ZNF438: variants seen among roughly 807,000 people sequenced by gnomAD.
ZNF438 encodes zinc finger protein 438.
ZNF438 carries 25 observed loss-of-function variants against 38.0 expected under a neutral mutation model. The ratio of observed to expected loss-of-function variants is 0.66; its 90% CI spans 0.48 to 0.92. The LOEUF (loss-of-function observed/expected upper bound fraction) is 0.92. ZNF438 is among the 40% of genes least tolerant of loss of function. The pLI, the probability that ZNF438 is intolerant of heterozygous loss-of-function variation, is 0.00. For synonymous variants in ZNF438, 372 were observed against 364.1 expected (o/e 1.02, Z -0.25); for missense variants, 1,007 against 999.6 (o/e 1.01, Z -0.10).
At chr10:30,958,161 TCAC>T (rs1374545231) in intron 1 of ZNF438, among the ~76,000 whole-genome samples, 1 of 146,342 alleles carries the variant, frequency 6.8e-6, no homozygotes, top group Non-Finnish European at 1.5e-5. Flanking sequence ...TCCTCCCTAT[TCAC>T]TCAACAGGGC....
At chr10:30,874,318 T>G (rs918169497) in intron 4 of ZNF438, among the ~76,000 whole-genome samples, 1 of 151,666 alleles carries the variant, frequency 6.6e-6, no homozygotes, top group Non-Finnish European at 1.5e-5. Flanking sequence ...CTAGCTAATT[T>G]TGAAATTTTT....
intron 3 of ZNF438, among the ~76,000 whole-genome samples, chr10:30,882,163 A>G (rs765345589): frequency 2.6e-5 from 4 of 152,202 alleles, no homozygotes; most frequent in Non-Finnish European, 4.4e-5. Flanking sequence ...AAATAATCTG[A>G]TAAAGAAATT....
intron 3 of ZNF438, among the ~76,000 whole-genome samples, chr10:30,879,881 G>A (rs547924678): frequency 1.8e-4 from 28 of 152,154 alleles, no homozygotes; most frequent in African/African-American, 6.3e-4. Context: ...AGAGGGGAGA[G>A]ATGGAAGGGC....
At chr10:30,904,009 CCA>C (rs2134356462) in intron 3 of ZNF438, among the ~76,000 whole-genome samples, 1 of 107,584 alleles carries the variant, frequency 9.3e-6, no homozygotes, top group Non-Finnish European at 2.0e-5. Flanking sequence ...ACAATTCATG[CCA>C]CAGTTAAAAA....
intron 4 of ZNF438, among the ~76,000 whole-genome samples, chr10:30,859,307 G>A (rs1447760906): frequency 6.6e-6 from 1 of 152,028 alleles, no homozygotes; most frequent in Non-Finnish European, 1.5e-5. Flanking sequence ...TGAACTCCTG[G>A]ACTTAAGCAA....
intron 1 of ZNF438, among the ~76,000 whole-genome samples, chr10:31,015,595 G>T (rs1043652975): frequency 2.0e-5 from 3 of 152,204 alleles, no homozygotes; most frequent in African/African-American, 7.2e-5. Flanking sequence ...AGTGAGCTGA[G>T]ATCATGCCAC....
intron 2 of ZNF438, among the ~76,000 whole-genome samples, chr10:30,922,364 T>C (rs2044397521): frequency 6.6e-6 from 1 of 152,180 alleles, no homozygotes; most frequent in African/African-American, 2.4e-5. Context: ...TTATTTGAGA[T>C]GAAAAATCAA....
At chr10:30,930,051 G>A (rs527599736) in intron 2 of ZNF438, among the ~76,000 whole-genome samples, 79 of 151,240 alleles carry the variant, frequency 5.2e-4, no homozygotes, top group African/African-American at 1.7e-3. Flanking sequence ...CCAGTCCCGC[G>A]CCCACACTCC....
At chr10:30,893,549 A>T (rs2040964261) in intron 3 of ZNF438, among the ~76,000 whole-genome samples, 1 of 152,270 alleles carries the variant, frequency 6.6e-6, no homozygotes, top group South Asian at 2.1e-4. Context: ...TATTTGAAAA[A>T]GTAGCCTTTT....
chr10:30,899,448 T>C (rs1447947625), intron 3 of ZNF438, among the ~76,000 whole-genome samples: 1 of 152,174 alleles, frequency 6.6e-6, no homozygotes, highest in African/African-American at 2.4e-5. Flanking sequence ...GGCCACCTTA[T>C]AAGTATCAGG....
chr10:30,948,560 C>G (rs1334660072), intron 1 of ZNF438, among the ~76,000 whole-genome samples: 1 of 151,192 alleles, frequency 6.6e-6, no homozygotes, highest in South Asian at 2.1e-4. Flanking sequence ...CTTAAAGGAG[C>G]TGATGGAGCT....
intron 4 of ZNF438, among the ~76,000 whole-genome samples, chr10:30,866,680 A>G (rs1232159835): frequency 6.6e-6 from 1 of 152,070 alleles, no homozygotes; most frequent in Non-Finnish European, 1.5e-5. Context: ...TAAAAATACA[A>G]AAAATTAGCC....
intron 3 of ZNF438, among the ~76,000 whole-genome samples, chr10:30,904,853 C>A (rs1251111261): frequency 1.3e-5 from 2 of 152,308 alleles, no homozygotes; most frequent in East Asian, 3.9e-4. Flanking sequence ...AGGAAAATCA[C>A]CTCCTTAAGA....
intron 1 of ZNF438, among the ~76,000 whole-genome samples, chr10:31,010,179 A>C (rs938123043): frequency 6.6e-6 from 1 of 152,206 alleles, no homozygotes; most frequent in African/African-American, 2.4e-5. Flanking sequence ...AGCAATGCTT[A>C]CTTTAATGAC....
At chr10:30,851,296 C>T (rs767536501) in intron 4 of ZNF438, among the ~76,000 whole-genome samples, 3 of 152,220 alleles carry the variant, frequency 2.0e-5, no homozygotes, top group Non-Finnish European at 2.9e-5. Flanking sequence ...CTTAAGAGAA[C>T]AATTAAGGAA....
intron 4 of ZNF438, among the ~76,000 whole-genome samples, chr10:30,876,730 A>G (rs147201716): frequency 5.3e-5 from 8 of 152,306 alleles, no homozygotes; most frequent in African/African-American, 1.9e-4. Context: ...CTGCCAGTGA[A>G]TAAGCAGGGC....
intron 1 of ZNF438, among the ~76,000 whole-genome samples, chr10:30,967,220 C>A (rs2050217878): frequency 6.6e-6 from 1 of 152,068 alleles, no homozygotes; most frequent in African/African-American, 2.4e-5. Flanking sequence ...TTTTTGCCAA[C>A]CACAAAAATT....
chr10:30,849,705 T>C (rs1329891938), exon 5 of ZNF438: 8 of 1,614,130 alleles, frequency 5.0e-6, no homozygotes, highest in Non-Finnish European at 6.8e-6. Flanking sequence ...GAAAGAGCTG[T>C]GAGGTCCTGC....
At chr10:30,989,719 T>C (rs984286023) in intron 1 of ZNF438, among the ~76,000 whole-genome samples, 1 of 152,236 alleles carries the variant, frequency 6.6e-6, no homozygotes, top group Admixed American at 6.5e-5. Flanking sequence ...GTGTGTGCAC[T>C]ATAGGATGAA....
Sources: gnomAD v4.1 joint callset for allele counts (sites outside exome capture counted in the v4.1 genomes callset) on GRCh38, gnomAD v4.1.1 for gene constraint, MANE v1.5 for transcripts, NCBI Gene and HGNC (gene_info 2026-07-23, HGNC 2026-07-21) for gene names.